The following CAPN7 variants were observed in gnomAD, a reference collection of about 807,000 sequenced individuals.
CAPN7 encodes the protein calpain-7.
A neutral mutation model predicts 115.2 loss-of-function variants in CAPN7; 72 were observed. The observed-to-expected ratio is 0.63, with a 90% confidence interval of 0.52 to 0.76. The LOEUF is 0.76. Ranked by LOEUF, CAPN7 falls within the 30% of genes least tolerant of loss-of-function variation. The probability of loss-of-function intolerance (pLI) is 0.00; values close to 1 mark genes in which losing one functional copy is unlikely to be tolerated. For missense variants in CAPN7, 905 were observed against 971.5 expected (o/e 0.93, Z 0.91); for synonymous variants, 344 against 322.3 (o/e 1.07, Z -0.72).
At position 15,206,384 on chromosome 3, in the gene CAPN7, C is replaced by G. The variant is rs948925877; in HGVS notation, c.-112C>G. 2.7e-6 allele frequency: 2 copies of G among 741,286 alleles called. No homozygotes were observed. The highest frequency in any genetic ancestry group is 4.4e-6 in the Non-Finnish European group (2 of 451,130). The allele number at this position is 741,286 out of a possible 1,614,324, so 45.9% of individuals were successfully genotyped here. ...CTCCACCGTCCAAAGTAAACTTTGC[C>G]GCTCCTTCCGCGGCGCTCCCGAGTC... On this transcript the variant is annotated 5_prime_UTR_variant, in exon 1 of 21. Transcript: ENST00000253693.
intron 2 of CAPN7, among the ~76,000 whole-genome samples, chr3:15,216,264 G>A (rs989844070): frequency 2.0e-5 from 3 of 152,172 alleles, no homozygotes; most frequent in African/African-American, 7.2e-5. Context: ...CATCAGCAGT[G>A]TATCTGGGTT....
At chr3:15,231,834 C>G (rs548613464) in intron 9 of CAPN7, among the ~76,000 whole-genome samples, 40 of 152,194 alleles carry the variant, frequency 2.6e-4, no homozygotes, top group Admixed American at 1.1e-3. Context: ...AGCCTCAGAT[C>G]ACTTTTTAAT....
At chr3:15,210,596 CTTT>C (rs371169868) in intron 1 of CAPN7, among the ~76,000 whole-genome samples, 6 of 104,416 alleles carry the variant, frequency 5.7e-5, no homozygotes, top group East Asian at 4.8e-4. Context: ...TGCTTCCTTC[CTTT>C]TTTTTTTTTT....
intron 2 of CAPN7, 32 bp downstream of exon 2, chr3:15,212,244 A>AT (rs1221124469): frequency 5.6e-6 from 7 of 1,258,736 alleles, no homozygotes; most frequent in South Asian, 1.4e-5. Flanking sequence ...TTGTCACTCT[A>AT]TTTTTTCTTT....
chr3:15,240,842 A>G lies in CAPN7; in HGVS notation c.1641A>G (p.Thr547=), dbSNP rs764991217. The G allele has an allele frequency of 2.5e-6, 4 of 1,600,164 alleles. No homozygotes were observed. Among genetic ancestry groups the G allele is most frequent in the South Asian group, 1.1e-5 (1 of 90,640 alleles). The change falls in exon 14 of 21, where the codon ACA becomes ACG. Residue 547 remains threonine, a synonymous_variant. Coordinates refer to ENST00000253693, the MANE Select transcript of CAPN7 (RefSeq NM_014296.3). The part of the protein sequence containing the change: ...SWNPGLFKES[T]CIHSTWDAKQ... ...ATCCAGGTCTTTTTAAAGAATCAAC[A>G]TGTATTCACAGGTAACTTTTTGCAC...
At chr3:15,239,382 C>T (rs890665909) in intron 12 of CAPN7, among the ~76,000 whole-genome samples, 2 of 152,192 alleles carry the variant, frequency 1.3e-5, no homozygotes, top group African/African-American at 2.4e-5. Context: ...GATTTACCAC[C>T]TCTTTTATTT....
chr3:15,213,208 T>A (rs777735596), intron 2 of CAPN7, among the ~76,000 whole-genome samples: 1 of 152,250 alleles, frequency 6.6e-6, no homozygotes, highest in Non-Finnish European at 1.5e-5. Flanking sequence ...TATTAGGAAC[T>A]TTGTTTCATA....
intron 6 of CAPN7, among the ~76,000 whole-genome samples, chr3:15,225,254 T>C (rs1694243887): frequency 6.6e-6 from 1 of 152,234 alleles, no homozygotes; most frequent in Non-Finnish European, 1.5e-5. Flanking sequence ...TTATACCTCT[T>C]TGACTAATGA....
intron 5 of CAPN7, among the ~76,000 whole-genome samples, chr3:15,222,172 CG>C (rs2124922497): frequency 6.6e-6 from 1 of 151,664 alleles, no homozygotes; most frequent in African/African-American, 2.4e-5. Context: ...CCCTGTCTAG[CG>C]GGGGTTATAG....
intron 17 of CAPN7, 89 bp downstream of exon 17, chr3:15,245,760 AG>A: frequency 9.3e-7 from 1 of 1,079,552 alleles, no homozygotes; most frequent in Non-Finnish European, 1.2e-6. Context: ...CTGGAGAAAA[AG>A]TTTATTTCTG....
Position 15,235,055 on chromosome 3 carries a change from G to C in CAPN7, c.1317G>C (p.Ala439=). The change falls in exon 12 of 21, where the codon GCG becomes GCC. Residue 439 remains alanine (A), a synonymous_variant. Transcript: ENST00000253693. ...RFHKGDVLIT[A]STGMMTEAEG... is the part of the protein sequence containing the mutation. ...ACAAAGGAGATGTCCTCATCACTGC[G>C]TCAACTGGAATGATGACAGAAGCTG... 2 of 1,613,118 alleles carry C rather than the reference G, an allele frequency of 1.2e-6. No individual in the cohort carries two copies. The highest frequency in any genetic ancestry group is 2.2e-5 in the East Asian group (1 of 44,856).
Position 15,246,740 on chromosome 3 carries a change from A to C in CAPN7, c.2019A>C (p.Ser673=). 6.2e-7 allele frequency: 1 copy of C among 1,602,118 alleles called. No individual in the cohort carries two copies. The highest frequency in any genetic ancestry group is 8.5e-7 in the Non-Finnish European group (1 of 1,170,540). Residue 673 remains serine (S), a synonymous_variant, in exon 18 of 21, where the codon TCA becomes TCC. Coordinates refer to ENST00000253693, the MANE Select transcript of CAPN7 (RefSeq NM_014296.3). ...NTIHYTVRVY[S]ACSFTFSKIP... is the part of the protein sequence containing the mutation. Reference sequence around the variant, plus strand: ...TCTTTTTTTAAATCTAGGTATATTCAGCATGCAGCTTTACTTTTTCAAAGA... The same window carrying C: ...TCTTTTTTTAAATCTAGGTATATTCCGCATGCAGCTTTACTTTTTCAAAGA...
At chr3:15,226,693 A>G (rs1164625482) in intron 6 of CAPN7, among the ~76,000 whole-genome samples, 1 of 152,146 alleles carries the variant, frequency 6.6e-6, no homozygotes, top group Non-Finnish European at 1.5e-5. Context: ...TGTTTGAGAT[A>G]TGTTATATGC....
At chr3:15,244,710 G>A (rs1171723913) in intron 16 of CAPN7, among the ~76,000 whole-genome samples, 2 of 152,052 alleles carry the variant, frequency 1.3e-5, no homozygotes, top group African/African-American at 4.8e-5. Context: ...TTGACTGATG[G>A]GACTATCAAA....
At chr3:15,246,891 G>C (rs775288925) in intron 18 of CAPN7, 97 bp downstream of exon 18, 21 of 972,928 alleles carry the variant, frequency 2.2e-5, no homozygotes, top group African/African-American at 1.4e-4. Flanking sequence ...TTTAGCAAAG[G>C]CTTCACAGGA....
intron 12 of CAPN7, among the ~76,000 whole-genome samples, chr3:15,238,693 G>A (rs1452956731): frequency 6.6e-6 from 1 of 152,044 alleles, no homozygotes; most frequent in East Asian, 1.9e-4. Flanking sequence ...TTTTTGAGGT[G>A]ATGTTTCATA....
At chr3:15,209,667 ATTGT>A (rs1049513335) in intron 1 of CAPN7, among the ~76,000 whole-genome samples, 2 of 152,226 alleles carry the variant, frequency 1.3e-5, no homozygotes, top group African/African-American at 4.8e-5. Flanking sequence ...TTCACAAGGC[ATTGT>A]TTAAGAGAAA....
At chr3:15,211,551 G>A (rs1266076612) in intron 1 of CAPN7, among the ~76,000 whole-genome samples, 2 of 151,698 alleles carry the variant, frequency 1.3e-5, no homozygotes, top group African/African-American at 4.8e-5. Flanking sequence ...GTGTCCTGTG[G>A]CTTTTAGCAC....
rs759856765 is a variant in CAPN7, at chr3:15,228,963, C to G, written c.853-11C>G. ...AATGAATATGAATATGTTAATTATT[C>G]TTATTAACAGACAATAGTATCGGAT... On this transcript the variant is annotated splice_polypyrimidine_tract_variant and intron_variant, in intron 7 of 20. Transcript: ENST00000253693. 2.5e-6 allele frequency: 4 copies of G among 1,579,268 alleles called. No homozygotes were observed. The Admixed American group carries it at 6.7e-5, about 27-fold the overall frequency.
Sources: gnomAD v4.1 joint callset for allele counts (sites outside exome capture counted in the v4.1 genomes callset) on GRCh38, gnomAD v4.1.1 for gene constraint, MANE v1.5 for transcripts, NCBI Gene and HGNC (gene_info 2026-07-23, HGNC 2026-07-21) for gene names.